The following PRDM5 variants were observed in gnomAD, a reference collection of about 807,000 sequenced individuals.
The protein encoded by PRDM5 is PR/SET domain 5.
PRDM5 carries 56 observed loss-of-function variants against 81.2 expected under a neutral mutation model. That is an observed-to-expected ratio of 0.69 (90% CI 0.56 to 0.86). The LOEUF is 0.86. Among genes scored for constraint, PRDM5 ranks in the 40% least tolerant of loss-of-function variants. PRDM5 has a pLI of 0.00. For synonymous variants in PRDM5, 267 were observed against 256.4 expected (o/e 1.04, Z -0.39); for missense variants, 697 against 770.1 (o/e 0.91, Z 1.12).
chr4:120,889,933 T>A (rs1045737157), intron 2 of PRDM5, among the ~76,000 whole-genome samples: 2 of 152,214 alleles, frequency 1.3e-5, no homozygotes, highest in Non-Finnish European at 2.9e-5. Flanking sequence ...ATTTTCTTTA[T>A]CTAGTCTACC....
chr4:120,739,049 A>C (rs896237643), intron 14 of PRDM5, among the ~76,000 whole-genome samples: 11 of 152,302 alleles, frequency 7.2e-5, no homozygotes, highest in Admixed American at 7.2e-4. Context: ...CTAAGCTAGA[A>C]AGCCAAAATG....
At chr4:120,818,120 G>C in intron 5 of PRDM5, 2 of 496,202 alleles carry the variant, frequency 4.0e-6, no homozygotes, top group South Asian at 4.9e-5. Context: ...ACCATAAACA[G>C]TGTTTATGTG....
intron 8 of PRDM5, 39 bp from the exon 9 acceptor site, chr4:120,799,784 A>C: frequency 6.2e-7 from 1 of 1,601,196 alleles, no homozygotes; most frequent in Non-Finnish European, 8.5e-7. Flanking sequence ...CAACTGTCAA[A>C]GCCTAGTAAA....
chr4:120,888,831 C>T (rs1763747042), intron 2 of PRDM5, among the ~76,000 whole-genome samples: 1 of 152,190 alleles, frequency 6.6e-6, no homozygotes, highest in African/African-American at 2.4e-5. Context: ...TTCGCATTTC[C>T]CAGATAACTA....
At chr4:120,854,950 A>G (rs1314637226) in intron 2 of PRDM5, among the ~76,000 whole-genome samples, 1 of 152,132 alleles carries the variant, frequency 6.6e-6, no homozygotes, top group African/African-American at 2.4e-5. Context: ...TAAGAAGGTT[A>G]TGAGGCTGGA....
chr4:120,880,237 C>T (rs958757276), intron 2 of PRDM5, among the ~76,000 whole-genome samples: 8 of 152,008 alleles, frequency 5.3e-5, no homozygotes, highest in African/African-American at 1.4e-4. Flanking sequence ...AAATCAACTG[C>T]TAAATGTCAC....
chr4:120,889,341 A>G (rs1434313758), intron 2 of PRDM5, among the ~76,000 whole-genome samples: 1 of 152,136 alleles, frequency 6.6e-6, no homozygotes, highest in Admixed American at 6.5e-5. Context: ...CCACTATATC[A>G]TTAATGTTAT....
chr4:120,833,123 C>A (rs957692952), intron 3 of PRDM5, among the ~76,000 whole-genome samples: 1 of 152,130 alleles, frequency 6.6e-6, no homozygotes, highest in African/African-American at 2.4e-5. Context: ...TCTGCACTTT[C>A]GCTTTCTGCT....
chr4:120,839,203 G>A (rs1023233743), intron 3 of PRDM5: 4 of 701,570 alleles, frequency 5.7e-6, no homozygotes, highest in African/African-American at 1.7e-5. Context: ...TGGCAAGCAA[G>A]GAGCAGGTCT....
At chr4:120,757,425 G>A (rs758850540) in intron 13 of PRDM5, among the ~76,000 whole-genome samples, 4 of 152,204 alleles carry the variant, frequency 2.6e-5, no homozygotes, top group Non-Finnish European at 1.5e-5. Context: ...GTCTAAAGTA[G>A]TCTCAGTTTA....
Position 120,693,284 on chromosome 4 carries a change from G to T in PRDM5, c.*1827C>A, listed in dbSNP as rs1413210029. ...TAAAGCATCCCATATAGAGAAAGCAGCATTCAAAGAAATATACAGGATGTG... is the reference window on the plus strand; with the variant it reads ...TAAAGCATCCCATATAGAGAAAGCATCATTCAAAGAAATATACAGGATGTG... On this transcript the variant is annotated 3_prime_UTR_variant, in exon 16 of 16. Transcript: ENST00000264808. 1 of 152,028 alleles carries T rather than the reference G, an allele frequency of 6.6e-6. No homozygotes were observed. The highest frequency in any genetic ancestry group is 1.5e-5 in the Non-Finnish European group (1 of 67,986). 9.4% of individuals were successfully genotyped at this position (152,028 alleles called of 1,614,324 possible). A position where few individuals can be genotyped will look rare whatever the true frequency, so the allele number is the denominator to read the frequency against.
At chr4:120,816,956 G>GAAAAC in intron 5 of PRDM5, 32 bp from the exon 6 acceptor site, 1 of 1,553,644 alleles carries the variant, frequency 6.4e-7, no homozygotes, top group South Asian at 1.1e-5. Flanking sequence ...AGAAAGAAAA[G>GAAAAC]AAAACAAAAA....
intron 3 of PRDM5, among the ~76,000 whole-genome samples, chr4:120,835,849 T>C (rs989797436): frequency 6.6e-6 from 1 of 151,632 alleles, no homozygotes; most frequent in Admixed American, 6.6e-5. Flanking sequence ...AGAGGATAGG[T>C]GGTTTCAGGA....
rs201359700 is a variant in PRDM5 at position 120,891,648 on chromosome 4, CT to C, written c.177+15825del. 4.5e-3 allele frequency among the ~76,000 whole-genome samples: 679 copies of C among 151,498 alleles called. 9 individuals are homozygous for C. Among genetic ancestry groups the C allele is most frequent in the East Asian group, 0.037 (191 of 5,160 alleles). ...GGTTGTTCATTTGGGAGCTTTCTAA[CT>C]TTTTTTTTGAGACAGAGTCTCACTG... On this transcript the variant is annotated intron_variant, in intron 2 of 15. Coordinates refer to ENST00000264808, the MANE Select transcript of PRDM5 (RefSeq NM_018699.4).
chr4:120,811,830 A>G (rs576796240), intron 7 of PRDM5, among the ~76,000 whole-genome samples: 1 of 152,210 alleles, frequency 6.6e-6, no homozygotes, highest in South Asian at 2.1e-4. Flanking sequence ...TAATCACATC[A>G]GGGTAATTGG....
chr4:120,783,880 T>C (rs3804170), intron 11 of PRDM5, among the ~76,000 whole-genome samples: 13,375 of 152,060 alleles, frequency 0.088, 899 homozygotes, highest in Middle Eastern at 0.17. Flanking sequence ...TCTTTATTAT[T>C]TGGCATTTTA....
At chr4:120,703,263 G>C (rs1397686566) in intron 15 of PRDM5, among the ~76,000 whole-genome samples, 1 of 152,110 alleles carries the variant, frequency 6.6e-6, no homozygotes. Context: ...ATAGCTCACT[G>C]CAGCCTTGAA....
In PRDM5 at chr4:120,784,997, C is replaced by A. The variant is rs1272853346; in HGVS notation, c.1282+1G>T. 1 of 1,584,416 alleles carries A rather than the reference C, an allele frequency of 6.3e-7. No individual in the cohort carries two copies. Among genetic ancestry groups the A allele is most frequent in the African/African-American group, 1.3e-5 (1 of 74,478 alleles). Reference sequence around the variant, plus strand: ...TCTCAACTGCCTGAATCGTGACTTACTGTTATGTATTAGCAGGTGTCTCTG... The same window carrying A: ...TCTCAACTGCCTGAATCGTGACTTAATGTTATGTATTAGCAGGTGTCTCTG... On this transcript the variant is annotated splice_donor_variant, in intron 11 of 15. Coordinates refer to ENST00000264808, the MANE Select transcript of PRDM5 (RefSeq NM_018699.4). LOFTEE classifies it high-confidence loss of function.
intron 8 of PRDM5, among the ~76,000 whole-genome samples, chr4:120,810,249 G>A (rs1753639045): frequency 6.6e-6 from 1 of 151,992 alleles, no homozygotes; most frequent in Admixed American, 6.6e-5. Context: ...AGATTTAAAT[G>A]GGTCAGAAAA....
Sources: gnomAD v4.1 joint callset for allele counts (sites outside exome capture counted in the v4.1 genomes callset) on GRCh38, gnomAD v4.1.1 for gene constraint, MANE v1.5 for transcripts, NCBI Gene and HGNC (gene_info 2026-07-23, HGNC 2026-07-21) for gene names.